The following EVC variants were observed in gnomAD, a reference collection of about 807,000 sequenced individuals.
EVC encodes the protein EvC ciliary complex subunit 1.
A neutral mutation model predicts 118.9 loss-of-function variants in EVC; 116 were observed. The observed-to-expected ratio is 0.98, with a 90% CI of 0.84 to 1.14. The LOEUF (loss-of-function observed/expected upper bound fraction) is 1.14, where lower values mean the gene tolerates loss of function less well. Ranked by LOEUF, EVC falls within the 50% of genes most tolerant of loss-of-function variation. The pLI, the probability that EVC is intolerant of heterozygous loss-of-function variation, is 0.00. For missense variants in EVC, 1,401 were observed against 1,246.4 expected (o/e 1.12, Z -1.87); for synonymous variants, 619 against 534.7 (o/e 1.16, Z -2.18).
At chr4:5,745,041 A>C (rs1729148407) in intron 6 of EVC, among the ~76,000 whole-genome samples, 163 bp from the exon 7 acceptor site, 1 of 151,342 alleles carries the variant, frequency 6.6e-6, no homozygotes, top group African/African-American at 2.4e-5. Context: ...GTTTAATGAG[A>C]AAATGGGTCA....
rs78515291 is a variant in EVC at position 5,736,800 on chromosome 4, A to G, written c.702+3365A>G. 2.0e-3 allele frequency among the ~76,000 whole-genome samples: 307 copies of G among 152,306 alleles called. 1 individual carries two copies. Among genetic ancestry groups the G allele is most frequent in the African/African-American group, 6.8e-3 (284 of 41,560 alleles). ...GTTCTGACTGCTCCACCAACTGGCC[A>G]TTCCCTCTCCTTGGGCCTCCCTATT... On this transcript the variant is annotated intron_variant, in intron 5 of 20. Transcript: ENST00000264956.
chr4:5,784,648 T>A (rs1389767868), intron 12 of EVC, among the ~76,000 whole-genome samples: 1 of 142,380 alleles, frequency 7.0e-6, no homozygotes, highest in East Asian at 2.1e-4. Flanking sequence ...TCTTGCTCTG[T>A]CCAGGCTGGA....
Position 5,749,877 on chromosome 4 carries a change from TG to T in EVC, c.1098+1572del, listed in dbSNP as rs1360358230. 6.6e-6 allele frequency among the ~76,000 whole-genome samples: 1 copy of T among 152,182 alleles called. No individual in the cohort carries two copies. Among genetic ancestry groups the T allele is most frequent in the Non-Finnish European group, 1.5e-5 (1 of 68,044 alleles). On this transcript the variant is annotated intron_variant, in intron 8 of 20. Coordinates refer to ENST00000264956, the MANE Select transcript of EVC (RefSeq NM_153717.3). This position sits in a 1 kb window ranked among gnomAD's most constrained non-coding sequence, Gnocchi z 4.4. ...ACCACATGCCTCTCCCAATCCGCTC[TG>T]CTCCTCCAGGTGTGATCCACAGACC...
chr4:5,803,817 G>T (rs1206036604), intron 16 of EVC, among the ~76,000 whole-genome samples: 3 of 152,186 alleles, frequency 2.0e-5, no homozygotes, highest in African/African-American at 7.2e-5. Flanking sequence ...ATCCTTGAGT[G>T]GGTTTTCAGC....
chr4:5,733,564 G>C, intron 5 of EVC, 129 bp downstream of exon 5: 2 of 848,240 alleles, frequency 2.4e-6, no homozygotes, highest in East Asian at 2.5e-5. Context: ...GCTGTGAGGT[G>C]GGGGAAAGCG....
chr4:5,738,979 A>T lies in EVC; in HGVS notation c.703-2737A>T, dbSNP rs1047216014. ...TTTTTTAGACATACTGCTATTGTAC[A>T]CTTAGACTACAGTATAGTGTAAACA... On this transcript the variant is annotated intron_variant, in intron 5 of 20. Transcript: ENST00000264956. The surrounding 1 kb of genome is among the most constrained non-coding windows in gnomAD (Gnocchi z 6.5). Among the ~76,000 whole-genome samples, 4 of 152,190 alleles carry T rather than the reference A, an allele frequency of 2.6e-5. No individual in the cohort carries two copies. Among genetic ancestry groups the T allele is most frequent in the Non-Finnish European group, 5.9e-5 (4 of 68,038 alleles).
intron 13 of EVC, among the ~76,000 whole-genome samples, chr4:5,794,478 C>G (rs1713565725): frequency 6.7e-6 from 1 of 150,346 alleles, no homozygotes; most frequent in African/African-American, 2.4e-5. Context: ...GCAATCTTGG[C>G]TCACTGCAAC....
In EVC at chr4:5,731,904, A is replaced by C. The variant is rs750314844; in HGVS notation, c.617+247A>C. On this transcript the variant is annotated intron_variant, in intron 4 of 20. Transcript: ENST00000264956. The surrounding 1 kb of genome is among the most constrained non-coding windows in gnomAD (Gnocchi z 5.6). ...GAGAGATGACAGGGAGGCCTCATTTAATCACTGGCGTGCTCCCAGCTACTG... is the reference window on the plus strand; with the variant it reads ...GAGAGATGACAGGGAGGCCTCATTTCATCACTGGCGTGCTCCCAGCTACTG... Among the ~76,000 whole-genome samples the C allele has an allele frequency of 4.3e-4, 65 of 152,250 alleles. No individual in the cohort carries two copies. The highest frequency in any genetic ancestry group is 2.6e-3 in the Admixed American group (40 of 15,304).
Position 5,756,404 on chromosome 4 carries a change from C to CTG in EVC, c.1563+51_1563+52dup, listed in dbSNP as rs1560348585. ...GGGACCAGCAGAGAAGCCCCAGGGTCTGTGTGTGTGCGAGAACCTCACATC... is the reference window on the plus strand; with the variant it reads ...GGGACCAGCAGAGAAGCCCCAGGGTCTGTGTGTGTGTGCGAGAACCTCACATC... On this transcript the variant is annotated intron_variant, in intron 11 of 20. Transcript: ENST00000264956. This position sits in a 1 kb window ranked among gnomAD's most constrained non-coding sequence, Gnocchi z 4.2. 2 of 1,529,716 alleles carry CTG rather than the reference C, an allele frequency of 1.3e-6. No individual in the cohort carries two copies. Among genetic ancestry groups the CTG allele is most frequent in the South Asian group, 1.2e-5 (1 of 85,352 alleles). 94.8% of individuals were successfully genotyped at this position (1,529,716 alleles called of 1,614,324 possible). A position where few individuals can be genotyped will look rare whatever the true frequency, so the allele number is the denominator to read the frequency against.
rs1727954074 is a variant in EVC, at chr4:5,737,995, T to A, written c.703-3721T>A. The stretch of plus-strand genomic sequence containing the variant: ...AAAACCTTCTGGAAAGGATTCACCA[T>A]TCTAGATGCCATTGAGAATATTCAT... On this transcript the variant is annotated intron_variant, in intron 5 of 20. Coordinates refer to ENST00000264956, the MANE Select transcript of EVC (RefSeq NM_153717.3). The surrounding 1 kb of genome is among the most constrained non-coding windows in gnomAD (Gnocchi z 5.0). Among the ~76,000 whole-genome samples the A allele has an allele frequency of 6.6e-6, 1 of 152,250 alleles. No individual in the cohort carries two copies. Among genetic ancestry groups the A allele is most frequent in the South Asian group, 2.1e-4 (1 of 4,832 alleles).
At chr4:5,820,154 GATA>G in the EVC span, among the ~76,000 whole-genome samples, 2 of 152,108 alleles carry the variant, frequency 1.3e-5, no homozygotes, top group Non-Finnish European at 2.9e-5. Flanking sequence ...GTACAATGGG[GATA>G]ATAATCCCTA....
At chr4:5,791,963 G>C (rs1266810076) in intron 12 of EVC, among the ~76,000 whole-genome samples, 1 of 152,182 alleles carries the variant, frequency 6.6e-6, no homozygotes, top group Non-Finnish European at 1.5e-5. Context: ...AACCCAATCT[G>C]TTCAGCCTTA....
At position 5,770,545 on chromosome 4, in the gene EVC, T is replaced by C. The variant is rs540132023; in HGVS notation, c.1564-13007T>C. Reference sequence around the variant, plus strand: ...GTCAGGCCCAAGCCTCGTAACATTCTAGTGGGAAGTAGTGATTCGGAGAAC... The same window carrying C: ...GTCAGGCCCAAGCCTCGTAACATTCCAGTGGGAAGTAGTGATTCGGAGAAC... On this transcript the variant is annotated intron_variant, in intron 11 of 20. Transcript: ENST00000264956. Among the ~76,000 whole-genome samples the C allele has an allele frequency of 2.0e-5, 3 of 152,276 alleles. No homozygotes were observed. In the East Asian group the frequency reaches 5.8e-4, roughly 29 times the overall value.
At chr4:5,759,811 G>A (rs1306339657) in intron 11 of EVC, among the ~76,000 whole-genome samples, 1 of 152,198 alleles carries the variant, frequency 6.6e-6, no homozygotes, top group East Asian at 1.9e-4. Context: ...TTGAGGCTGC[G>A]CGAGCCTGGG....
intron 1 of EVC, among the ~76,000 whole-genome samples, chr4:5,718,976 A>T (rs913800780): frequency 6.6e-6 from 1 of 152,278 alleles, no homozygotes; most frequent in African/African-American, 2.4e-5. Flanking sequence ...CTCTTGCCTC[A>T]AGTCCTGAGG....
At chr4:5,753,270 A>T (rs1272955272) in intron 9 of EVC, among the ~76,000 whole-genome samples, 1 of 152,218 alleles carries the variant, frequency 6.6e-6, no homozygotes, top group African/African-American at 2.4e-5. Context: ...TGCCCAGGGC[A>T]GGGGTCACCT....
Position 5,811,082 on chromosome 4 carries a change from G to T in EVC, c.*45G>T. On this transcript the variant is annotated 3_prime_UTR_variant, in exon 21 of 21. Transcript: ENST00000264956. ...ACAAGACCTGAAGCCCTGGGTCTGG[G>T]TGTGAATTCCACCTTCCCTCCTGCA... The T allele has an allele frequency of 6.6e-7, 1 of 1,516,308 alleles. No individual in the cohort carries two copies. The highest frequency in any genetic ancestry group is 9.1e-7 in the Non-Finnish European group (1 of 1,103,518). 93.9% of individuals were successfully genotyped at this position (1,516,308 alleles called of 1,614,324 possible).
At chr4:5,729,461 G>T (rs754656867) in intron 3 of EVC, 71 bp downstream of exon 3, 183 of 1,421,960 alleles carry the variant, frequency 1.3e-4, no homozygotes, top group Non-Finnish European at 1.8e-4. Context: ...GAGGAAAGTG[G>T]GGGGATTAAC....
At chr4:5,721,576 G>C (rs1577330816) in intron 2 of EVC, among the ~76,000 whole-genome samples, 2 of 152,166 alleles carry the variant, frequency 1.3e-5, no homozygotes, top group South Asian at 4.1e-4. Context: ...ATGTTCTAAA[G>C]TTGACGATAG....
Sources: allele counts gnomAD v4.1 joint callset (sites outside exome capture counted in the v4.1 genomes callset), GRCh38; gene constraint gnomAD v4.1.1; non-coding constraint Gnocchi (gnomAD v3.1); transcripts MANE v1.5; gene names NCBI Gene and HGNC (gene_info 2026-07-23, HGNC 2026-07-21).